CRTC1: variants seen among roughly 807,000 people sequenced by gnomAD.
The protein encoded by CRTC1 is CREB-regulated transcription coactivator 1.
A neutral mutation model predicts 66.1 loss-of-function variants in CRTC1; 18 were observed. That is an observed-to-expected ratio of 0.27 (90% confidence interval 0.19 to 0.40). The LOEUF is 0.40. CRTC1 is among the 10% of genes least tolerant of loss of function. The probability of loss-of-function intolerance (pLI) is 1.00; values close to 1 mark genes in which losing one functional copy is unlikely to be tolerated. For missense variants in CRTC1, 669 were observed against 887.9 expected (o/e 0.75, Z 3.13); for synonymous variants, 416 against 398.8 (o/e 1.04, Z -0.51).
At position 18,737,097 on chromosome 19, in the gene CRTC1, C is replaced by T. The variant is rs534628531; in HGVS notation, c.127-5813C>T. ...GCTCCATCCAGCCCTGTGGACACTT[C>T]CTGGGCGGGGCAGGGGCGTAGACTT... On this transcript the variant is annotated intron_variant, in intron 1 of 13. Transcript: ENST00000321949. Among the ~76,000 whole-genome samples, 280 of 152,286 alleles carry T rather than the reference C, an allele frequency of 1.8e-3. 2 individuals are homozygous for T. Among genetic ancestry groups the T allele is most frequent in the African/African-American group, 6.6e-3 (273 of 41,550 alleles).
At chr19:18,753,443 T>C in intron 5 of CRTC1, 57 bp from the exon 6 acceptor site, 1 of 1,304,764 alleles carries the variant, frequency 7.7e-7, no homozygotes, top group South Asian at 1.2e-5. Context: ...GGTACCACCA[T>C]GCGGCTGCAA....
At chr19:18,748,903 G>A (rs1043179550) in intron 4 of CRTC1, among the ~76,000 whole-genome samples, 1 of 152,146 alleles carries the variant, frequency 6.6e-6, no homozygotes, top group Non-Finnish European at 1.5e-5. Context: ...TAAAATGAAT[G>A]GAGCTTTATG....
chr19:18,712,085 C>T (rs1046316447), intron 1 of CRTC1, among the ~76,000 whole-genome samples: 1 of 151,936 alleles, frequency 6.6e-6, no homozygotes, highest in African/African-American at 2.4e-5. Flanking sequence ...GGATTACAGG[C>T]GTGTGCCACC....
Position 18,771,798 on chromosome 19 carries a change from TG to T in CRTC1, c.1425+253del, listed in dbSNP as rs2054875513. Among the ~76,000 whole-genome samples, 1 of 152,140 alleles carries T rather than the reference TG, an allele frequency of 6.6e-6. No homozygotes were observed. Among genetic ancestry groups the T allele is most frequent in the African/African-American group, 2.4e-5 (1 of 41,432 alleles). On this transcript the variant is annotated intron_variant, in intron 11 of 13. Transcript: ENST00000321949. The surrounding 1 kb of genome is among the most constrained non-coding windows in gnomAD (Gnocchi z 4.6). ...AACACTAGGTGGGGGTGTGCGTTAG[TG>T]ACATTAGCGATGGCTGTGGCCCTGC...
At chr19:18,737,550 T>C (rs1264598113) in intron 1 of CRTC1, among the ~76,000 whole-genome samples, 1 of 152,118 alleles carries the variant, frequency 6.6e-6, no homozygotes, top group East Asian at 1.9e-4. Flanking sequence ...TCAAAAGCCC[T>C]GTAGAGGGGT....
At chr19:18,752,971 T>C (rs916416683) in intron 5 of CRTC1, among the ~76,000 whole-genome samples, 3 of 151,792 alleles carry the variant, frequency 2.0e-5, no homozygotes, top group Non-Finnish European at 4.4e-5. Context: ...CTCTGACTTA[T>C]TTAAAGCTGA....
intron 1 of CRTC1, among the ~76,000 whole-genome samples, chr19:18,729,836 A>T (rs2053846109): frequency 1.3e-5 from 2 of 152,098 alleles, no homozygotes; most frequent in South Asian, 4.1e-4. Context: ...CCTCCCCCAG[A>T]GGTGGTGTCC....
intron 5 of CRTC1, among the ~76,000 whole-genome samples, chr19:18,753,083 G>C (rs2054403157): frequency 2.0e-5 from 3 of 151,812 alleles, no homozygotes; most frequent in Non-Finnish European, 4.4e-5. Context: ...GGCTAACACA[G>C]TGAAACCCCG....
At chr19:18,744,350 G>A (rs557230113) in intron 2 of CRTC1, among the ~76,000 whole-genome samples, 10 of 152,284 alleles carry the variant, frequency 6.6e-5, no homozygotes, top group South Asian at 4.1e-4. Context: ...GCGTATGGTC[G>A]CGTCGAGAGG....
chr19:18,751,616 G>A (rs2054365228), intron 5 of CRTC1, among the ~76,000 whole-genome samples: 1 of 152,200 alleles, frequency 6.6e-6, no homozygotes. Context: ...TGGTTCCAGA[G>A]CCTCAATTGA....
intron 4 of CRTC1, among the ~76,000 whole-genome samples, chr19:18,748,727 A>G (rs1021435940): frequency 3.3e-5 from 5 of 150,998 alleles, no homozygotes; most frequent in Admixed American, 2.6e-4. Flanking sequence ...AACCATATAC[A>G]TACATACACA....
intron 1 of CRTC1, among the ~76,000 whole-genome samples, chr19:18,734,746 G>A (rs1475122874): frequency 6.6e-6 from 1 of 152,172 alleles, no homozygotes; most frequent in Non-Finnish European, 1.5e-5. Context: ...GCTCCAAGCT[G>A]TGTTCCCACA....
At chr19:18,765,951 ACT>A (rs1221594690) in intron 9 of CRTC1, among the ~76,000 whole-genome samples, 1 of 149,584 alleles carries the variant, frequency 6.7e-6, no homozygotes, top group African/African-American at 2.5e-5. Flanking sequence ...ACAGAGTGAG[ACT>A]CTGTTTCAAA....
In CRTC1 at chr19:18,716,748, G is replaced by A. The variant is rs193004525; in HGVS notation, c.127-26162G>A. ...GAGACTCCAGCTGAGTGGTTTGGGC[G>A]CTGCAGGGTTAACTTGAGACCCCAG... On this transcript the variant is annotated intron_variant, in intron 1 of 13. Coordinates refer to ENST00000321949, the MANE Select transcript of CRTC1 (RefSeq NM_015321.3). 3.5e-4 allele frequency among the ~76,000 whole-genome samples: 53 copies of A among 152,298 alleles called. No homozygotes were observed. The East Asian group carries it at 8.9e-3, about 26-fold the overall frequency.
At chr19:18,765,652 CT>C (rs1308419588) in intron 9 of CRTC1, 124 bp downstream of exon 9, 2 of 939,700 alleles carry the variant, frequency 2.1e-6, no homozygotes, top group East Asian at 5.7e-5. Context: ...GCTCCCAACA[CT>C]TTTAGTTTTT....
intron 1 of CRTC1, among the ~76,000 whole-genome samples, chr19:18,711,804 G>T (rs1013458181): frequency 1.6e-4 from 25 of 152,210 alleles, no homozygotes; most frequent in African/African-American, 6.0e-4. Context: ...ATGTGGGACC[G>T]TGGTGGCTTC....
intron 1 of CRTC1, among the ~76,000 whole-genome samples, chr19:18,715,819 GGCCC>G (rs1357618818): frequency 6.6e-6 from 1 of 152,292 alleles, no homozygotes; most frequent in African/African-American, 2.4e-5. Flanking sequence ...CCAGCCAAGG[GGCCC>G]ACCTGGCTGA....
At chr19:18,774,145 C>T (rs1037691065) in intron 11 of CRTC1, among the ~76,000 whole-genome samples, 2 of 152,078 alleles carry the variant, frequency 1.3e-5, no homozygotes, top group Non-Finnish European at 2.9e-5. Flanking sequence ...CTGGGGTTCC[C>T]GAGGCCTCGT....
chr19:18,769,336 C>A (rs986282378), intron 10 of CRTC1, among the ~76,000 whole-genome samples: 1 of 152,274 alleles, frequency 6.6e-6, no homozygotes, highest in African/African-American at 2.4e-5. Context: ...ACCCACAAAC[C>A]TTCCTGACTG....
Sources: gnomAD v4.1 joint callset for allele counts (sites outside exome capture counted in the v4.1 genomes callset) on GRCh38, gnomAD v4.1.1 for gene constraint, Gnocchi (gnomAD v3.1) non-coding constraint, MANE v1.5 for transcripts, NCBI Gene and HGNC (gene_info 2026-07-23, HGNC 2026-07-21) for gene names.